The following WDR7 variants were observed in gnomAD, a reference collection of about 807,000 sequenced individuals.
WDR7 encodes the protein WD repeat domain 7.
In WDR7, 46 loss-of-function variants were observed where a neutral mutation model predicts 169.4. That is an observed-to-expected ratio of 0.27 (90% CI 0.21 to 0.35). WDR7 has a LOEUF of 0.35. Among genes scored for constraint, WDR7 ranks in the 10% least tolerant of loss-of-function variants. The pLI is 1.00. For missense variants in WDR7, 1,534 were observed against 1,859.3 expected (o/e 0.83, Z 3.22); for synonymous variants, 612 against 666.8 (o/e 0.92, Z 1.27).
chr18:56,856,250 A>G (rs565524875), intron 20 of WDR7, among the ~76,000 whole-genome samples: 2 of 152,208 alleles, frequency 1.3e-5, no homozygotes, highest in African/African-American at 4.8e-5. Flanking sequence ...TCCTATAACT[A>G]TGGCTAGGCA....
At chr18:56,653,624 T>G (rs1271051312) in intron 1 of WDR7, among the ~76,000 whole-genome samples, 1 of 152,260 alleles carries the variant, frequency 6.6e-6, no homozygotes, top group Non-Finnish European at 1.5e-5. Flanking sequence ...TGTATATTGT[T>G]CTGGGTGCCC....
chr18:56,758,978 TTGACA>T, intron 16 of WDR7, 25 bp downstream of exon 16: 4 of 1,576,676 alleles, frequency 2.5e-6, no homozygotes, highest in Non-Finnish European at 3.5e-6. Context: ...TATTAAGTAA[TTGACA>T]TGACATTTCA....
chr18:56,994,286 A>G (rs1198300014), intron 26 of WDR7, among the ~76,000 whole-genome samples: 1 of 152,072 alleles, frequency 6.6e-6, no homozygotes, highest in Non-Finnish European at 1.5e-5. Flanking sequence ...AGCCTCCCAA[A>G]GTGCTAGGAT....
At chr18:56,779,187 G>A (rs3810084) in intron 17 of WDR7, among the ~76,000 whole-genome samples, 11,209 of 152,148 alleles carry the variant, frequency 0.074, 499 homozygotes, top group East Asian at 0.18. Flanking sequence ...TACTTCCAGT[G>A]GAAATTTATT....
intron 26 of WDR7, among the ~76,000 whole-genome samples, chr18:56,972,953 T>G (rs1051685224): frequency 1.3e-5 from 2 of 152,206 alleles, no homozygotes; most frequent in Admixed American, 1.3e-4. Flanking sequence ...AACCTCTGTT[T>G]CCTGGGTTCA....
chr18:56,877,860 T>C lies in WDR7; in HGVS notation c.3305-2084T>C, dbSNP rs1460997341. Reference sequence around the variant, plus strand: ...GGCAGTGAGGTCAAGACACAGTCCATGGTGGGCTTTGATAATACCCAGATT... The same window carrying C: ...GGCAGTGAGGTCAAGACACAGTCCACGGTGGGCTTTGATAATACCCAGATT... On this transcript the variant is annotated intron_variant, in intron 20 of 27. Coordinates refer to ENST00000254442, the MANE Select transcript of WDR7 (RefSeq NM_015285.3). Among the ~76,000 whole-genome samples, 3 of 152,168 alleles carry C rather than the reference T, an allele frequency of 2.0e-5. No individual in the cohort carries two copies. The East Asian group carries it at 5.8e-4, about 29-fold the overall frequency.
At chr18:57,007,114 C>G (rs974903590) in intron 26 of WDR7, among the ~76,000 whole-genome samples, 2 of 151,148 alleles carry the variant, frequency 1.3e-5, no homozygotes, top group East Asian at 1.9e-4. Flanking sequence ...CGAGTAGCTG[C>G]GACTACAGGC....
intron 27 of WDR7, 38 bp from the exon 28 acceptor site, chr18:57,026,966 G>T: frequency 6.3e-7 from 1 of 1,590,708 alleles, no homozygotes; most frequent in Non-Finnish European, 8.6e-7. Context: ...AAGGGAGAGG[G>T]CTGTTCAAGT....
In WDR7 at chr18:56,794,304, A is replaced by ATTTTTTT. The variant is rs566857049; in HGVS notation, c.3190+12665_3190+12671dup. ...GTTTGTGTCTTAAAAGGTAAAGTCT[A>ATTTTTTT]TTTTTTTTTTTTTTTTTTTTTTTGA... On this transcript the variant is annotated intron_variant, in intron 19 of 27. Coordinates refer to ENST00000254442, the MANE Select transcript of WDR7 (RefSeq NM_015285.3). 8.5e-4 allele frequency among the ~76,000 whole-genome samples: 42 copies of ATTTTTTT among 49,460 alleles called. 14 individuals carry two copies. Among genetic ancestry groups the ATTTTTTT allele is most frequent in the South Asian group, 3.7e-3 (3 of 802 alleles). 32.4% of individuals were successfully genotyped at this position (49,460 alleles called of 152,430 possible).
intron 14 of WDR7, chr18:56,753,235 G>T (rs1256330592): frequency 2.0e-5 from 3 of 152,180 alleles, no homozygotes; most frequent in African/African-American, 7.2e-5. Context: ...TTTAAGGCTA[G>T]TCAAGTGAAG....
In WDR7 at chr18:56,776,669, C is replaced by T. The variant is rs546353297; in HGVS notation, c.2849-113C>T. On this transcript the variant is annotated intron_variant, in intron 16 of 27. Coordinates refer to ENST00000254442, the MANE Select transcript of WDR7 (RefSeq NM_015285.3). ...TGATGAAAACATCGTTTCAGTTCTA[C>T]ATTCTCTGTTTTGCCTACTTTGTTT... 3.0e-4 allele frequency: 243 copies of T among 820,282 alleles called. 3 individuals are homozygous for T. In the South Asian group the frequency reaches 3.5e-3, roughly 12 times the overall value. The allele number at this position is 820,282 out of a possible 1,614,324, so 50.8% of individuals were successfully genotyped here. A position where few individuals can be genotyped will look rare whatever the true frequency, so the allele number is the denominator to read the frequency against.
At chr18:56,813,383 A>G (rs934999362) in intron 19 of WDR7, among the ~76,000 whole-genome samples, 3 of 152,086 alleles carry the variant, frequency 2.0e-5, no homozygotes, top group Non-Finnish European at 4.4e-5. Flanking sequence ...GACTTTCACC[A>G]TTAAGTGTAA....
At chr18:57,034,213 T>G (rs188029498), downstream of WDR7, 4 of 150,350 alleles carry the variant, frequency 2.7e-5, no homozygotes, top group Non-Finnish European at 5.9e-5. Flanking sequence ...AAAAAAAAAA[T>G]AAATAAATAA....
intron 21 of WDR7, among the ~76,000 whole-genome samples, chr18:56,883,319 C>T (rs1274725635): frequency 1.3e-5 from 2 of 151,598 alleles, no homozygotes; most frequent in African/African-American, 4.8e-5. Context: ...ATCTCATTAT[C>T]CTAGTTATGT....
chr18:56,957,867 G>GT (rs1213355628), intron 25 of WDR7, among the ~76,000 whole-genome samples: 4 of 152,116 alleles, frequency 2.6e-5, no homozygotes, highest in South Asian at 2.1e-4. Context: ...ATATACAGCA[G>GT]TAACTTAACA....
intron 20 of WDR7, among the ~76,000 whole-genome samples, chr18:56,845,497 G>T (rs529238407): frequency 1.3e-5 from 2 of 152,030 alleles, no homozygotes; most frequent in Non-Finnish European, 2.9e-5. Context: ...TAGTTTACGG[G>T]GAGTAGAAAT....
chr18:56,679,279 G>T (rs597585), intron 2 of WDR7, 53 bp from the exon 3 acceptor site: 1 of 1,468,128 alleles, frequency 6.8e-7, no homozygotes, highest in Admixed American at 1.7e-5. Flanking sequence ...CACTCAAATA[G>T]AAGGTTAATT....
chr18:56,703,391 A>G (rs1253485148), intron 12 of WDR7, among the ~76,000 whole-genome samples: 1 of 152,202 alleles, frequency 6.6e-6, no homozygotes, highest in Non-Finnish European at 1.5e-5. Context: ...TTTTGATTCT[A>G]GATTTTTGTT....
chr18:56,715,572 G>A (rs189222480), intron 12 of WDR7, among the ~76,000 whole-genome samples: 7 of 152,228 alleles, frequency 4.6e-5, no homozygotes, highest in African/African-American at 1.4e-4. Context: ...GGTGGTTCAT[G>A]CCTGTAGTCC....
Sources: gnomAD v4.1 joint callset for allele counts (sites outside exome capture counted in the v4.1 genomes callset) on GRCh38, gnomAD v4.1.1 for gene constraint, MANE v1.5 for transcripts, NCBI Gene and HGNC (gene_info 2026-07-23, HGNC 2026-07-21) for gene names.